Variants in MCCC2 observed in about 807,000 individuals in gnomAD.
MCCC2 encodes the protein methylcrotonyl-CoA carboxylase subunit 2.
MCCC2 carries 52 observed loss-of-function variants against 77.2 expected under a neutral mutation model. The ratio of observed to expected loss-of-function variants is 0.67; its 90% confidence interval spans 0.54 to 0.85. The LOEUF is 0.85. MCCC2 is among the 40% of genes least tolerant of loss of function. The probability of loss-of-function intolerance (pLI) is 0.00; values close to 1 mark genes in which losing one functional copy is unlikely to be tolerated. For missense variants in MCCC2, 682 were observed against 703.2 expected (o/e 0.97, Z 0.34); for synonymous variants, 253 against 248.4 (o/e 1.02, Z -0.18).
chr5:71,626,612 A>T, intron 6 of MCCC2, 28 bp from the exon 7 acceptor site: 2 of 1,554,760 alleles, frequency 1.3e-6, no homozygotes, highest in Non-Finnish European at 1.8e-6. Flanking sequence ...GCTGCATCTC[A>T]TGTGTTTGTC....
rs1747602909 is a variant in MCCC2 at position 71,657,125 on chromosome 5, C to T, written c.*265C>T. On this transcript the variant is annotated 3_prime_UTR_variant, in exon 17 of 17. Coordinates refer to ENST00000340941, the MANE Select transcript of MCCC2 (RefSeq NM_022132.5). ...TAATTTACGGTTATCCTTTCTGACC[C>T]ACAAAGTATGAAAAGTTCTGTAATC... 1 of 405,650 alleles carries T rather than the reference C, an allele frequency of 2.5e-6. No individual in the cohort carries two copies. Among genetic ancestry groups the T allele is most frequent in the Admixed American group, 3.8e-5 (1 of 26,564 alleles). 25.1% of individuals were successfully genotyped at this position (405,650 alleles called of 1,614,324 possible).
chr5:71,641,234 T>G (rs1747114228), intron 11 of MCCC2, 159 bp downstream of exon 11: 2 of 683,154 alleles, frequency 2.9e-6, no homozygotes. Flanking sequence ...ATAAACATAA[T>G]TTGTAGCTTA....
At chr5:71,638,424 G>A (rs1233322682) in intron 10 of MCCC2, among the ~76,000 whole-genome samples, 1 of 152,056 alleles carries the variant, frequency 6.6e-6, no homozygotes, top group Non-Finnish European at 1.5e-5. Flanking sequence ...ATTCTCAATG[G>A]CATCTAGAAT....
At position 71,646,269 on chromosome 5, in the gene MCCC2, A is replaced by G. The variant is rs142887940; in HGVS notation, c.1208A>G (p.Asn403Ser). ...AATATTCCTCTGCTGTTCCTTCAAA[A>G]CATTACTGGTAAGAAAATAGCTTAA... ...QRNIPLLFLQ[N>S]ITGFMVGREY... Residue 403 changes from asparagine (N) to serine (S), a missense_variant, in exon 13 of 17, where the codon AAC (asparagine) becomes AGC (serine). Asn to Ser is a conservative substitution (Grantham distance 46, BLOSUM62 1). Transcript: ENST00000340941. The G allele has an allele frequency of 2.1e-4, 334 of 1,613,524 alleles. No homozygotes were observed. The highest frequency in any genetic ancestry group is 2.6e-4 in the Non-Finnish European group (301 of 1,179,738).
At chr5:71,598,044 T>TTCTAAGG (rs1311047190) in intron 3 of MCCC2, among the ~76,000 whole-genome samples, 1 of 152,056 alleles carries the variant, frequency 6.6e-6, no homozygotes, top group Non-Finnish European at 1.5e-5. Context: ...CAGAAGGTGG[T>TTCTAAGG]TCTAAGGAGG....
At chr5:71,654,554 A>G (rs1397090023) in intron 16 of MCCC2, among the ~76,000 whole-genome samples, 1 of 151,998 alleles carries the variant, frequency 6.6e-6, no homozygotes, top group Non-Finnish European at 1.5e-5. Flanking sequence ...AAGCTTTTCT[A>G]TAGTTTTTTT....
In MCCC2 at chr5:71,609,124, G is replaced by A. The variant is rs1360241309; in HGVS notation, c.624+4656G>A. On this transcript the variant is annotated intron_variant, in intron 6 of 16. Transcript: ENST00000340941. ...ATCTGAACGTTGGCCTGCCTTGCTA[G>A]ATTGTGGAAGTTCTCCTGGATAATA... is the stretch of plus-strand genomic sequence containing the variant. Among the ~76,000 whole-genome samples, 10 of 152,128 alleles carry A rather than the reference G, an allele frequency of 6.6e-5. 1 individual carries two copies. Among genetic ancestry groups the A allele is most frequent in the Admixed American group, 6.6e-4 (10 of 15,264 alleles).
intron 10 of MCCC2, chr5:71,636,542 C>G (rs1040352517): frequency 6.6e-6 from 1 of 151,524 alleles, no homozygotes; most frequent in Non-Finnish European, 1.5e-5. Flanking sequence ...CTCTACTAAA[C>G]ATACAAAAAT....
intron 6 of MCCC2, among the ~76,000 whole-genome samples, chr5:71,604,954 G>A (rs1304860758): frequency 7.0e-6 from 1 of 143,188 alleles, no homozygotes; most frequent in Non-Finnish European, 1.5e-5. Context: ...GTGTATATGT[G>A]CCACATTTTC....
chr5:71,649,047 C>T (rs1240067410), intron 13 of MCCC2, 50 bp from the exon 14 acceptor site: 23 of 1,602,658 alleles, frequency 1.4e-5, no homozygotes, highest in South Asian at 2.2e-5. Flanking sequence ...AATTGCGTTC[C>T]GCATATTAAT....
At chr5:71,623,456 A>G (rs1357533375) in intron 6 of MCCC2, among the ~76,000 whole-genome samples, 1 of 152,148 alleles carries the variant, frequency 6.6e-6, no homozygotes, top group Non-Finnish European at 1.5e-5. Context: ...TGCTTGCCAT[A>G]CAGCCTCTTC....
chr5:71,631,167 CA>C (rs1314825417), intron 7 of MCCC2, among the ~76,000 whole-genome samples: 1 of 152,040 alleles, frequency 6.6e-6, no homozygotes, highest in Non-Finnish European at 1.5e-5. Flanking sequence ...ATTGAGTATT[CA>C]AAGATGAATA....
chr5:71,593,299 A>G lies in MCCC2; in HGVS notation c.196+307A>G, dbSNP rs1179500774. On this transcript the variant is annotated intron_variant, in intron 2 of 16. Coordinates refer to ENST00000340941, the MANE Select transcript of MCCC2 (RefSeq NM_022132.5). ...GAGACAAGGTTTCACCATGTTGGCC[A>G]GGCTGGTCTTGAACTACTGATGTCA... Among the ~76,000 whole-genome samples, 4 of 152,126 alleles carry G rather than the reference A, an allele frequency of 2.6e-5. No homozygotes were observed. The East Asian group carries it at 7.7e-4, about 29-fold the overall frequency.
intron 16 of MCCC2, among the ~76,000 whole-genome samples, chr5:71,654,084 G>T (rs1257977317): frequency 6.6e-6 from 1 of 152,058 alleles, no homozygotes; most frequent in Admixed American, 6.6e-5. Flanking sequence ...TGCAATCTCT[G>T]CCTCCCGGAC....
intron 6 of MCCC2, among the ~76,000 whole-genome samples, chr5:71,620,034 G>A (rs1388386911): frequency 6.6e-6 from 1 of 151,950 alleles, no homozygotes; most frequent in African/African-American, 2.4e-5. Context: ...AGATGGATAG[G>A]GCCTAGGAGA....
chr5:71,596,638 A>G (rs944801066), intron 3 of MCCC2, among the ~76,000 whole-genome samples: 57 of 152,182 alleles, frequency 3.7e-4, no homozygotes, highest in Non-Finnish European at 6.5e-4. Context: ...GACAGAAAGC[A>G]ACAGTAAAGA....
At chr5:71,610,820 A>G (rs1333589508) in intron 6 of MCCC2, among the ~76,000 whole-genome samples, 1 of 151,672 alleles carries the variant, frequency 6.6e-6, no homozygotes, top group Non-Finnish European at 1.5e-5. Flanking sequence ...CCCCGTCTCT[A>G]TTAAAAATAC....
chr5:71,649,066 C>T (rs778914722), intron 13 of MCCC2, 31 bp from the exon 14 acceptor site: 4 of 1,613,482 alleles, frequency 2.5e-6, no homozygotes, highest in Non-Finnish European at 3.4e-6. Flanking sequence ...ATCCCATCAC[C>T]CAGAGGCTCT....
intron 6 of MCCC2, among the ~76,000 whole-genome samples, chr5:71,609,873 G>T (rs925286745): frequency 1.3e-5 from 2 of 151,914 alleles, no homozygotes; most frequent in Non-Finnish European, 2.9e-5. Flanking sequence ...TCCCAGTTAG[G>T]CTGCTCGGGG....
Sources: allele counts gnomAD v4.1 joint callset (sites outside exome capture counted in the v4.1 genomes callset), GRCh38; gene constraint gnomAD v4.1.1; transcripts MANE v1.5; gene names NCBI Gene and HGNC (gene_info 2026-07-23, HGNC 2026-07-21).